TANC1: variants seen among roughly 807,000 people sequenced by gnomAD.
TANC1 encodes the protein protein TANC1.
Under a neutral mutation model 149.7 loss-of-function variants are expected in TANC1, and 77 were observed. The observed-to-expected ratio is 0.51, with a 90% CI of 0.43 to 0.62. The LOEUF is 0.62. TANC1 is among the 20% of genes least tolerant of loss of function. The pLI is 0.00. For synonymous variants in TANC1, 854 were observed against 925.0 expected (o/e 0.92, Z 1.39); for missense variants, 1,985 against 2,321.8 (o/e 0.85, Z 2.98).
chr2:159,001,658 T>C lies in TANC1; in HGVS notation c.-16+469T>C, dbSNP rs116558202. 5.1e-3 allele frequency among the ~76,000 whole-genome samples: 773 copies of C among 152,340 alleles called. 9 individuals are homozygous for C. Among genetic ancestry groups the C allele is most frequent in the African/African-American group, 0.017 (720 of 41,570 alleles). On this transcript the variant is annotated intron_variant, in intron 2 of 26. Transcript: ENST00000263635. The surrounding 1 kb of genome is among the most constrained non-coding windows in gnomAD (Gnocchi z 4.3). ...GCTGGGGATTTTGTTAAGTGCTTTATGTGTATTTTCATTTAATCCTCACTT... is the reference window on the plus strand; with the variant it reads ...GCTGGGGATTTTGTTAAGTGCTTTACGTGTATTTTCATTTAATCCTCACTT...
At chr2:159,221,402 TATTA>T (rs3058815) in intron 22 of TANC1, among the ~76,000 whole-genome samples, 13,076 of 151,910 alleles carry the variant, frequency 0.086, 1,170 homozygotes, top group East Asian at 0.23. Flanking sequence ...AAATAAAAGT[TATTA>T]ATTCTAGTTG....
At chr2:159,146,889 C>T (rs2052180320) in intron 5 of TANC1, among the ~76,000 whole-genome samples, 1 of 152,002 alleles carries the variant, frequency 6.6e-6, no homozygotes, top group Non-Finnish European at 1.5e-5. Flanking sequence ...CGCCACTGCT[C>T]CCCAACTTAT....
intron 2 of TANC1, among the ~76,000 whole-genome samples, chr2:159,005,528 C>G (rs1319371816): frequency 1.3e-5 from 2 of 152,120 alleles, no homozygotes; most frequent in African/African-American, 4.8e-5. Context: ...GCGGAGATTG[C>G]AGTGAGCTGA....
chr2:159,075,316 C>T (rs531679466), intron 3 of TANC1, among the ~76,000 whole-genome samples: 1 of 151,962 alleles, frequency 6.6e-6, no homozygotes, highest in South Asian at 2.1e-4. Flanking sequence ...GCCTGTAATC[C>T]CAACACTTTG....
intron 7 of TANC1, among the ~76,000 whole-genome samples, chr2:159,151,253 T>G (rs145537874): frequency 2.0e-5 from 3 of 152,360 alleles, no homozygotes; most frequent in Admixed American, 6.5e-5. Context: ...GAATCATCCA[T>G]GGAATTTAAG....
At chr2:158,986,654 T>C (rs1354902831) in intron 1 of TANC1, among the ~76,000 whole-genome samples, 5 of 152,206 alleles carry the variant, frequency 3.3e-5, no homozygotes, top group Admixed American at 3.3e-4. Flanking sequence ...AATGTTTGGC[T>C]TTCCCAATGG....
chr2:159,167,726 A>G (rs2054746261), intron 8 of TANC1, among the ~76,000 whole-genome samples: 3 of 152,060 alleles, frequency 2.0e-5, no homozygotes, highest in Admixed American at 2.0e-4. Flanking sequence ...ATGCAGCGAG[A>G]GGGGATATGC....
In TANC1 at chr2:159,227,889, G is replaced by C. The variant is rs1415845104; in HGVS notation, c.3974G>C (p.Gly1325Ala). ...ALRKFPREGF[G>A]EDMRPFNELR... ...AGAAAGTTTCCTCGAGAAGGATTCG[G>C]AGAGGACATGAGACCCTTCAATGAA... Residue 1325 changes from glycine to alanine, a missense_variant, in exon 25 of 27, where the codon GGA becomes GCA. Physicochemically the swap from Gly to Ala is moderately conservative, Grantham distance 60 (BLOSUM62 0). Coordinates refer to ENST00000263635, the MANE Select transcript of TANC1 (RefSeq NM_033394.3). 2 of 1,614,050 alleles carry C rather than the reference G, an allele frequency of 1.2e-6. No individual in the cohort carries two copies. The highest frequency in any genetic ancestry group is 1.7e-6 in the Non-Finnish European group (2 of 1,180,018).
chr2:159,199,460 A>G (rs2058090085), intron 19 of TANC1, among the ~76,000 whole-genome samples: 1 of 152,244 alleles, frequency 6.6e-6, no homozygotes, highest in Non-Finnish European at 1.5e-5. Context: ...GGCTCAGCAC[A>G]GAAGGCAGTG....
Position 158,981,491 on chromosome 2 carries a change from T to TAATA in TANC1, c.-126+12709_-126+12710insAATA, listed in dbSNP as rs1479047653. Among the ~76,000 whole-genome samples, 30 of 34,348 alleles carry TAATA rather than the reference T, an allele frequency of 8.7e-4. 4 individuals are homozygous for TAATA. Among genetic ancestry groups the TAATA allele is most frequent in the East Asian group, 1.8e-3 (1 of 562 alleles). 22.5% of individuals were successfully genotyped at this position (34,348 alleles called of 152,430 possible). A position where few individuals can be genotyped will look rare whatever the true frequency, so the allele number is the denominator to read the frequency against. ...AAGTTTAGCAATTAATATATAGCTTTTATATATATATATATATATATATAT... is the reference window on the plus strand; with the variant it reads ...AAGTTTAGCAATTAATATATAGCTTTAATATATATATATATATATATATATATAT... On this transcript the variant is annotated intron_variant, in intron 1 of 26. Transcript: ENST00000263635.
At chr2:159,048,794 A>G (rs145057912) in intron 2 of TANC1, among the ~76,000 whole-genome samples, 1 of 152,310 alleles carries the variant, frequency 6.6e-6, no homozygotes, top group African/African-American at 2.4e-5. Flanking sequence ...ACAAAAGCAG[A>G]GTCTACTGAA....
chr2:159,166,209 A>G (rs2054583524), intron 8 of TANC1, among the ~76,000 whole-genome samples: 1 of 152,206 alleles, frequency 6.6e-6, no homozygotes, highest in African/African-American at 2.4e-5. Context: ...CTTTCAAAAT[A>G]CTTTCTGAGT....
chr2:159,219,319 T>G lies in TANC1; in HGVS notation c.3460T>G (p.Cys1154Gly). Residue 1154 changes from cysteine (C) to glycine (G), a missense_variant, in exon 21 of 27, where the codon TGT becomes GGT. Cys to Gly is a radical substitution (Grantham distance 159). Around this residue, in one of 3 missense-constraint regions of TANC1, gnomAD observed 920 missense variants for 994.7 expected, o/e 0.92. Coordinates refer to ENST00000263635, the MANE Select transcript of TANC1 (RefSeq NM_033394.3). ...CCGGACGCCCCTCATGGTGGCTGCT[T>G]GTGAAGGGCACTTGAGCACCGTGGA... The part of the protein sequence containing the change: ...QGRTPLMVAA[C>G]EGHLSTVEFL... 6.2e-7 allele frequency: 1 copy of G among 1,614,188 alleles called. No homozygotes were observed. The highest frequency in any genetic ancestry group is 8.5e-7 in the Non-Finnish European group (1 of 1,180,036).
intron 4 of TANC1, among the ~76,000 whole-genome samples, chr2:159,128,615 C>T (rs1224210900): frequency 6.6e-6 from 1 of 152,112 alleles, no homozygotes; most frequent in South Asian, 2.1e-4. Context: ...TTCTGTCCCC[C>T]GAGCCGTGCC....
intron 1 of TANC1, among the ~76,000 whole-genome samples, chr2:158,985,222 T>G (rs769849481): frequency 2.6e-5 from 4 of 152,210 alleles, no homozygotes; most frequent in African/African-American, 7.2e-5. Flanking sequence ...TCATGTAATC[T>G]TCACAGAAAA....
At chr2:159,037,188 G>T (rs1559157457) in intron 2 of TANC1, among the ~76,000 whole-genome samples, 3 of 152,082 alleles carry the variant, frequency 2.0e-5, no homozygotes, top group Non-Finnish European at 4.4e-5. Flanking sequence ...CATTTCCTTT[G>T]CCCACTTTTT....
intron 19 of TANC1, among the ~76,000 whole-genome samples, chr2:159,209,509 G>A (rs2058845683): frequency 6.6e-6 from 1 of 152,162 alleles, no homozygotes; most frequent in Admixed American, 6.5e-5. Flanking sequence ...TTGGGGAAAG[G>A]TTGCTGCTTT....
intron 2 of TANC1, among the ~76,000 whole-genome samples, chr2:159,005,379 T>A (rs1278183697): frequency 6.6e-6 from 1 of 152,138 alleles, no homozygotes; most frequent in Non-Finnish European, 1.5e-5. Context: ...TTGCTTGACC[T>A]CTGGAGTTTG....
chr2:159,024,842 TC>T (rs1363038324), intron 2 of TANC1, among the ~76,000 whole-genome samples: 1 of 152,182 alleles, frequency 6.6e-6, no homozygotes, highest in Non-Finnish European at 1.5e-5. Flanking sequence ...CACAAATACT[TC>T]CCATTGTGCT....
Sources: allele counts gnomAD v4.1 joint callset (sites outside exome capture counted in the v4.1 genomes callset), GRCh38; gene constraint gnomAD v4.1.1; regional missense constraint gnomAD v4.1.1; non-coding constraint Gnocchi (gnomAD v3.1); transcripts MANE v1.5; gene names NCBI Gene and HGNC (gene_info 2026-07-23, HGNC 2026-07-21).